Variants in TMBIM1 observed in about 807,000 individuals in gnomAD.
TMBIM1 encodes the protein protein lifeguard 3.
In TMBIM1, 34 loss-of-function variants were observed where a neutral mutation model predicts 45.1. The ratio of observed to expected loss-of-function variants is 0.75; its 90% CI spans 0.57 to 1.00. The LOEUF is 1.00. Ranked by LOEUF, TMBIM1 falls within the 50% of genes least tolerant of loss-of-function variation. The probability of loss-of-function intolerance (pLI) is 0.00; values close to 1 mark genes in which losing one functional copy is unlikely to be tolerated. For missense variants in TMBIM1, 374 were observed against 402.4 expected (o/e 0.93, Z 0.60); for synonymous variants, 157 against 153.5 (o/e 1.02, Z -0.17).
At chr2:218,282,264 A>T in intron 1 of TMBIM1, 83 bp from the exon 2 acceptor site, 1 of 810,682 alleles carries the variant, frequency 1.2e-6, no homozygotes, top group South Asian at 2.2e-5. Flanking sequence ...AGCCTTGTCC[A>T]GGCTGCCTCC....
chr2:218,276,269 A>AG (rs1245056548), intron 10 of TMBIM1, among the ~76,000 whole-genome samples, 190 bp from the exon 11 acceptor site: 1 of 152,216 alleles, frequency 6.6e-6, no homozygotes, highest in Non-Finnish European at 1.5e-5. Flanking sequence ...GAGAAAGCAG[A>AG]GGCCATCCTG....
At chr2:218,276,678 C>G (rs1441584907) in intron 10 of TMBIM1, among the ~76,000 whole-genome samples, 1 of 152,246 alleles carries the variant, frequency 6.6e-6, no homozygotes, top group Middle Eastern at 3.2e-3. Flanking sequence ...CCCATCATCT[C>G]AGTCCTCTGG....
At chr2:218,277,474 C>T (rs1422635333) in intron 8 of TMBIM1, 21 bp from the exon 9 acceptor site, 1 of 1,613,612 alleles carries the variant, frequency 6.2e-7, no homozygotes, top group East Asian at 2.2e-5. Context: ...GCAGGAGTTA[C>T]AGACAAGAGG....
intron 1 of TMBIM1, among the ~76,000 whole-genome samples, chr2:218,282,459 G>A (rs1692116505): frequency 6.6e-6 from 1 of 152,244 alleles, no homozygotes; most frequent in Non-Finnish European, 1.5e-5. Context: ...TGAGGAGAGA[G>A]GGAACCAGGG....
intron 1 of TMBIM1, among the ~76,000 whole-genome samples, chr2:218,291,355 C>G (rs1426681495): frequency 6.6e-6 from 1 of 152,164 alleles, no homozygotes; most frequent in Admixed American, 6.5e-5. Context: ...CCCCTTTGCG[C>G]CAATAAAGCA....
At chr2:218,275,784 T>C (rs1691142705) in intron 11 of TMBIM1, among the ~76,000 whole-genome samples, 163 bp from the exon 12 acceptor site, 1 of 152,126 alleles carries the variant, frequency 6.6e-6, no homozygotes, top group African/African-American at 2.4e-5. Flanking sequence ...GCTCACAGTC[T>C]AGGAAAGGAG....
intron 2 of TMBIM1, 139 bp from the exon 3 acceptor site, chr2:218,280,265 G>C (rs1691755790): frequency 3.0e-6 from 2 of 669,302 alleles, no homozygotes; most frequent in Non-Finnish European, 5.3e-6. Flanking sequence ...CTCCCAAGCT[G>C]GGGTCTTCTA....
chr2:218,282,641 C>T (rs1178050829), intron 1 of TMBIM1, among the ~76,000 whole-genome samples: 1 of 152,232 alleles, frequency 6.6e-6, no homozygotes, highest in African/African-American at 2.4e-5. Context: ...ACGGGGATGC[C>T]AGGCCTGGAA....
intron 11 of TMBIM1, 127 bp downstream of exon 11, chr2:218,275,899 T>C (rs1691154356): frequency 2.6e-6 from 3 of 1,150,834 alleles, no homozygotes; most frequent in African/African-American, 1.6e-5. Context: ...CTCTGGACAG[T>C]AGTGAGAGGA....
At chr2:218,277,319 A>G (rs1691318925) in intron 9 of TMBIM1, 47 bp downstream of exon 9, 1 of 1,572,854 alleles carries the variant, frequency 6.4e-7, no homozygotes, top group South Asian at 1.1e-5. Flanking sequence ...CGGGCCTGAT[A>G]AGAAAGGGGA....
At chr2:218,279,480 C>A (rs1478979052) in intron 3 of TMBIM1, 127 bp from the exon 4 acceptor site, 16 of 759,954 alleles carry the variant, frequency 2.1e-5, no homozygotes, top group Non-Finnish European at 2.8e-5. Context: ...CCAGAGGCGA[C>A]CCCAGTGAGA....
intron 5 of TMBIM1, 112 bp from the exon 6 acceptor site, chr2:218,278,677 G>C (rs933670762): frequency 1.7e-6 from 2 of 1,174,054 alleles, no homozygotes; most frequent in African/African-American, 3.0e-5. Context: ...CTGAGGGGAA[G>C]CAACTCAACA....
chr2:218,276,246 G>A (rs1411718725), intron 10 of TMBIM1, among the ~76,000 whole-genome samples, 167 bp from the exon 11 acceptor site: 1 of 152,186 alleles, frequency 6.6e-6, no homozygotes, highest in Non-Finnish European at 1.5e-5. Context: ...TAAGACTGGT[G>A]ATATATCCAG....
chr2:218,282,708 G>C (rs1255366713), intron 1 of TMBIM1, among the ~76,000 whole-genome samples: 2 of 152,210 alleles, frequency 1.3e-5, no homozygotes, highest in African/African-American at 4.8e-5. Context: ...AGAAGTGGAG[G>C]AAAACAAGCT....
intron 8 of TMBIM1, 30 bp downstream of exon 8, chr2:218,277,603 C>G: frequency 6.2e-7 from 1 of 1,614,188 alleles, no homozygotes; most frequent in Non-Finnish European, 8.5e-7. Flanking sequence ...TACACATTTC[C>G]CAAGAGTGGT....
Position 218,275,526 on chromosome 2 carries a change from G to A in TMBIM1, c.885C>T (p.Asp295=). ...GCACAAAGGTGAAGATGTAGATGAT[G>A]TCTGTGTAAATCTGCAGGGCGCCAG... ...YITGALQIYT[D]IIYIFTFVLQ... is the part of the protein sequence containing the mutation. Residue 295 remains aspartate (D), a synonymous_variant, in exon 12 of 12, where the codon GAC becomes GAT. Coordinates refer to ENST00000258412, the MANE Select transcript of TMBIM1 (RefSeq NM_022152.6). 6.2e-7 allele frequency: 1 copy of A among 1,614,180 alleles called. No individual in the cohort carries two copies. The highest frequency in any genetic ancestry group is 8.5e-7 in the Non-Finnish European group (1 of 1,180,024).
rs143066899 is a variant in TMBIM1 at position 218,281,940 on chromosome 2, C to T, written c.202G>A (p.Gly68Ser). The change falls in exon 2 of 12, where the codon GGC becomes AGC. Residue 68 changes from glycine to serine, a missense_variant and splice_region_variant. Transcript: ENST00000258412. Reference sequence around the variant, plus strand: ...TTCCATCTGCCCTTCCAGGACTCACCGTAGTTCATGGGCATCGGGTGGGTG... The same window carrying T: ...TTCCATCTGCCCTTCCAGGACTCACTGTAGTTCATGGGCATCGGGTGGGTG... ...PPTHPMPMNY[G>S]PGHGYDGEER... 5,266 of 1,592,592 alleles carry T rather than the reference C, an allele frequency of 3.3e-3. 22 individuals carry two copies. The highest frequency in any genetic ancestry group is 7.2e-3 in the Middle Eastern group (37 of 5,154).
chr2:218,288,196 AGGCG>A (rs541928761), intron 1 of TMBIM1, among the ~76,000 whole-genome samples: 3,281 of 152,322 alleles, frequency 0.022, 44 homozygotes, highest in Non-Finnish European at 0.032. Flanking sequence ...TGGGAGGCCA[AGGCG>A]GGCGGATCAC....
intron 3 of TMBIM1, 62 bp from the exon 4 acceptor site, chr2:218,279,415 G>A (rs1002302428): frequency 2.1e-6 from 3 of 1,461,914 alleles, no homozygotes; most frequent in Non-Finnish European, 2.8e-6. Flanking sequence ...CCAGGAAGCT[G>A]CCAGCCCCCA....
Sources: allele counts gnomAD v4.1 joint callset (sites outside exome capture counted in the v4.1 genomes callset), GRCh38; gene constraint gnomAD v4.1.1; transcripts MANE v1.5; gene names NCBI Gene and HGNC (gene_info 2026-07-23, HGNC 2026-07-21).